The following AGBL1 variants were observed in gnomAD, a reference collection of about 807,000 sequenced individuals.
AGBL1 encodes the protein AGBL carboxypeptidase 1, also known as cytosolic carboxypeptidase 4.
Under a neutral mutation model 118.9 loss-of-function variants are expected in AGBL1, and 130 were observed. The observed-to-expected ratio is 1.09, with a 90% confidence interval of 0.95 to 1.26. The LOEUF (loss-of-function observed/expected upper bound fraction) is 1.26, where lower values mean the gene tolerates loss of function less well. Among genes scored for constraint, AGBL1 ranks in the 50% most tolerant of loss-of-function variants. AGBL1 has a pLI of 0.00. For synonymous variants in AGBL1, 555 were observed against 478.9 expected (o/e 1.16, Z -2.08); for missense variants, 1,584 against 1,298.1 (o/e 1.22, Z -3.38).
intron 16 of AGBL1, among the ~76,000 whole-genome samples, chr15:86,286,272 G>GT (rs1159298638): frequency 6.6e-6 from 1 of 151,900 alleles, no homozygotes; most frequent in Non-Finnish European, 1.5e-5. Context: ...ACCAATAAAC[G>GT]TATCTATCAC....
At chr15:86,453,359 T>C (rs1219143613) in intron 18 of AGBL1, among the ~76,000 whole-genome samples, 1 of 152,180 alleles carries the variant, frequency 6.6e-6, no homozygotes, top group Non-Finnish European at 1.5e-5. Context: ...AGATGCATGT[T>C]CCGGAAACTT....
chr15:86,763,612 G>T (rs1472236591), intron 22 of AGBL1, among the ~76,000 whole-genome samples: 1 of 151,916 alleles, frequency 6.6e-6, no homozygotes, highest in Non-Finnish European at 1.5e-5. Flanking sequence ...TGTTGAAGGA[G>T]TTGAATGCCT....
At chr15:86,946,843 CAAAAAAAAA>C (rs11355715) in intron 23 of AGBL1, among the ~76,000 whole-genome samples, 2,570 of 100,184 alleles carry the variant, frequency 0.026, 96 homozygotes, top group African/African-American at 0.093. Flanking sequence ...AAACTCGGTC[CAAAAAAAAA>C]AAAAAAAAAC....
chr15:86,271,767 C>T, intron 15 of AGBL1, 61 bp downstream of exon 15: 1 of 1,448,010 alleles, frequency 6.9e-7, no homozygotes, highest in Non-Finnish European at 9.7e-7. Context: ...CAATTTCCCA[C>T]TTTTCCATAT....
At chr15:86,534,951 G>A (rs1333922338) in intron 19 of AGBL1, among the ~76,000 whole-genome samples, 1 of 152,174 alleles carries the variant, frequency 6.6e-6, no homozygotes, top group African/African-American at 2.4e-5. Flanking sequence ...TCAATATCAT[G>A]ATCAGAGTCG....
rs1357528322 is a variant in AGBL1 at position 86,974,470 on chromosome 15, T to G, written c.3222-13517T>G. Among the ~76,000 whole-genome samples the G allele has an allele frequency of 2.3e-5, 3 of 132,320 alleles. 1 individual carries two copies. The highest frequency in any genetic ancestry group is 1.6e-5 in the Non-Finnish European group (1 of 64,408). 86.8% of individuals were successfully genotyped at this position (132,320 alleles called of 152,430 possible). On this transcript the variant is annotated intron_variant, in intron 23 of 24. Transcript: ENST00000441037. ...TTTTATATATTGAATATAAACATATTTTATATATTGAATATAAACATATTT... is the reference window on the plus strand; with the variant it reads ...TTTTATATATTGAATATAAACATATGTTATATATTGAATATAAACATATTT...
intron 21 of AGBL1, among the ~76,000 whole-genome samples, chr15:86,555,099 C>T (rs985958565): frequency 6.6e-6 from 1 of 152,190 alleles, no homozygotes; most frequent in Non-Finnish European, 1.5e-5. Flanking sequence ...AGAAAGTGCT[C>T]TTGTATAAAT....
chr15:86,925,453 A>T (rs1273547664), intron 23 of AGBL1, among the ~76,000 whole-genome samples: 1 of 152,188 alleles, frequency 6.6e-6, no homozygotes, highest in Non-Finnish European at 1.5e-5. Context: ...AAAATATGAT[A>T]CTGATAATCA....
At chr15:86,304,458 CT>C (rs1369551989) in intron 17 of AGBL1, among the ~76,000 whole-genome samples, 1 of 152,206 alleles carries the variant, frequency 6.6e-6, no homozygotes, top group East Asian at 1.9e-4. Flanking sequence ...GACCTTGCTA[CT>C]TTTTTTCTTC....
chr15:86,128,660 A>T (rs1217147481), intron 1 of AGBL1, among the ~76,000 whole-genome samples: 1 of 152,170 alleles, frequency 6.6e-6, no homozygotes, highest in African/African-American at 2.4e-5. Flanking sequence ...GGAGGCAAGA[A>T]GTTTGTATGT....
At chr15:86,472,289 GC>G (rs2142104298) in intron 18 of AGBL1, among the ~76,000 whole-genome samples, 1 of 152,298 alleles carries the variant, frequency 6.6e-6, no homozygotes, top group East Asian at 1.9e-4. Flanking sequence ...AAGTTCATGG[GC>G]TTTGGTGATT....
chr15:86,276,422 G>T (rs1022572577), intron 15 of AGBL1, among the ~76,000 whole-genome samples: 1 of 152,208 alleles, frequency 6.6e-6, no homozygotes, highest in Non-Finnish European at 1.5e-5. Context: ...TGTAGAATGT[G>T]TGTAATAATA....
chr15:86,231,320 T>C (rs569541405), intron 6 of AGBL1, among the ~76,000 whole-genome samples: 1 of 152,188 alleles, frequency 6.6e-6, no homozygotes, highest in Admixed American at 6.5e-5. Context: ...CACATTTGCT[T>C]TCAGTATGCC....
intron 18 of AGBL1, among the ~76,000 whole-genome samples, chr15:86,459,955 A>G (rs1355664765): frequency 6.6e-6 from 1 of 152,076 alleles, no homozygotes; most frequent in East Asian, 1.9e-4. Flanking sequence ...AAGTGAGGAA[A>G]AATTTAGGAT....
Position 86,460,090 on chromosome 15 carries a change from A to T in AGBL1, c.2555+62544A>T, listed in dbSNP as rs908344121. On this transcript the variant is annotated intron_variant, in intron 18 of 22. Transcript: ENST00000614907. The stretch of plus-strand genomic sequence containing the variant: ...GGCTGGTCAGATTCAGCAATAGAAG[A>T]GTGTTTACTTGATACTCGGTTCAAT... Among the ~76,000 whole-genome samples the T allele has an allele frequency of 2.0e-5, 3 of 152,104 alleles. No individual in the cohort carries two copies. In the South Asian group the frequency reaches 6.2e-4, roughly 32 times the overall value.
chr15:86,530,691 T>C (rs1487996098), intron 19 of AGBL1, among the ~76,000 whole-genome samples: 2 of 150,952 alleles, frequency 1.3e-5, no homozygotes, highest in East Asian at 2.0e-4. Context: ...TATTCCAAAA[T>C]TGACCACATA....
chr15:86,781,903 G>T (rs761924758), intron 22 of AGBL1, among the ~76,000 whole-genome samples: 2 of 151,536 alleles, frequency 1.3e-5, no homozygotes, highest in East Asian at 3.9e-4. Flanking sequence ...TTTTTAATTG[G>T]CCTTGTTATA....
chr15:86,562,131 T>A (rs1191415284), intron 21 of AGBL1, among the ~76,000 whole-genome samples: 1 of 152,202 alleles, frequency 6.6e-6, no homozygotes, highest in African/African-American at 2.4e-5. Context: ...TTTTTCCTAA[T>A]GGAATACCCT....
intron 22 of AGBL1, among the ~76,000 whole-genome samples, chr15:86,867,561 G>C (rs1039460283): frequency 6.6e-6 from 1 of 152,250 alleles, no homozygotes; most frequent in African/African-American, 2.4e-5. Context: ...CTTTGGTGAA[G>C]ACTCATTGTG....
Sources: allele counts gnomAD v4.1 joint callset (sites outside exome capture counted in the v4.1 genomes callset), GRCh38; gene constraint gnomAD v4.1.1; transcripts MANE v1.5; gene names NCBI Gene and HGNC (gene_info 2026-07-23, HGNC 2026-07-21).